The following PKHD1 variants were observed in gnomAD, a reference collection of about 807,000 sequenced individuals.
The protein encoded by PKHD1 is fibrocystin.
Under a neutral mutation model 412.0 loss-of-function variants are expected in PKHD1, and 291 were observed. That is an observed-to-expected ratio of 0.71 (90% CI 0.64 to 0.78). PKHD1 has a LOEUF of 0.78. PKHD1 is among the 30% of genes least tolerant of loss of function. PKHD1 has a pLI of 0.00. For missense variants in PKHD1, 4,825 were observed against 4,950.7 expected, an observed-to-expected ratio of 0.97 and a Z score of 0.76; for synonymous variants, 1,777 against 1,821.5, an observed-to-expected ratio of 0.98 and a Z score of 0.62.
intron 55 of PKHD1, among the ~76,000 whole-genome samples, chr6:51,768,741 A>C (rs1254959509): frequency 6.6e-6 from 1 of 151,806 alleles, no homozygotes; most frequent in Non-Finnish European, 1.5e-5. Flanking sequence ...ACAAACGATA[A>C]TATTTAATGT....
chr6:51,906,358 A>G lies in PKHD1; in HGVS notation c.6683-18T>C, dbSNP rs1388351743. 6.2e-7 allele frequency: 1 copy of G among 1,606,402 alleles called. No individual in the cohort carries two copies. ...GAAAGACTCTGAATAGGAAAGAGTAAAGTAAAAATTAGATATGGCTCCTGA... is the reference window on the plus strand; with the variant it reads ...GAAAGACTCTGAATAGGAAAGAGTAGAGTAAAAATTAGATATGGCTCCTGA... On this transcript the variant is annotated intron_variant, in intron 40 of 66. Transcript: ENST00000371117.
chr6:51,938,296 A>G, intron 36 of PKHD1, among the ~76,000 whole-genome samples: 1 of 152,220 alleles, frequency 6.6e-6, no homozygotes, highest in Non-Finnish European at 1.5e-5. Flanking sequence ...CTGCACGTAT[A>G]CATCCAGATG....
intron 55 of PKHD1, among the ~76,000 whole-genome samples, chr6:51,769,934 T>C (rs896150347): frequency 6.6e-6 from 1 of 151,780 alleles, no homozygotes; most frequent in East Asian, 1.9e-4. Context: ...TTTTTTCTTG[T>C]AAGAAATTAA....
Position 51,748,062 on chromosome 6 carries a change from A to G in PKHD1, c.9554T>C (p.Val3185Ala). The change falls in exon 58 of 67, where the codon GTA (valine) becomes GCA (alanine). Residue 3185 changes from valine (V) to alanine (A), a missense_variant. Val to Ala is a moderately conservative substitution (Grantham distance 64). Coordinates refer to ENST00000371117, the MANE Select transcript of PKHD1 (RefSeq NM_138694.4). ...NTIGLLAVVY[V>A]FSAPQNSVKK... ...GACGGAATTTTGTGGAGCAGAAAAT[A>G]CATACACTACTGCCAAAAGACCAAT... 6.2e-7 allele frequency: 1 copy of G among 1,614,098 alleles called. No homozygotes were observed. Among genetic ancestry groups the G allele is most frequent in the Non-Finnish European group, 8.5e-7 (1 of 1,179,976 alleles).
chr6:51,776,265 G>C (rs1329738715), intron 53 of PKHD1, among the ~76,000 whole-genome samples: 1 of 151,932 alleles, frequency 6.6e-6, no homozygotes, highest in African/African-American at 2.4e-5. Context: ...GATGCTTTAA[G>C]GGACTTGGCA....
chr6:51,687,547 G>A (rs1426966069), intron 60 of PKHD1, among the ~76,000 whole-genome samples: 1 of 152,138 alleles, frequency 6.6e-6, no homozygotes, highest in African/African-American at 2.4e-5. Context: ...AGCCACCATT[G>A]CACACATTTT....
intron 35 of PKHD1, among the ~76,000 whole-genome samples, chr6:51,987,732 C>CTT (rs529894512): frequency 7.0e-6 from 1 of 143,508 alleles, no homozygotes; most frequent in Non-Finnish European, 1.5e-5. Context: ...TTTCTAAGAC[C>CTT]TTTTTTTTTT....
At chr6:51,690,831 A>C (rs1281071770) in intron 60 of PKHD1, among the ~76,000 whole-genome samples, 1 of 152,250 alleles carries the variant, frequency 6.6e-6, no homozygotes, top group East Asian at 1.9e-4. Context: ...TAATTAAATA[A>C]ATAGCTTCTG....
At chr6:51,640,330 A>T (rs866397546) in intron 63 of PKHD1, among the ~76,000 whole-genome samples, 1 of 152,312 alleles carries the variant, frequency 6.6e-6, no homozygotes, top group African/African-American at 2.4e-5. Context: ...TTAGTTCTAA[A>T]TGGGTTTGCT....
chr6:51,901,115 C>G (rs986729842), intron 43 of PKHD1, among the ~76,000 whole-genome samples: 26 of 152,142 alleles, frequency 1.7e-4, no homozygotes, highest in Non-Finnish European at 2.9e-4. Flanking sequence ...TGTGGTGATT[C>G]CTCAGGGATC....
At chr6:51,840,402 T>TG (rs1167888827) in intron 50 of PKHD1, among the ~76,000 whole-genome samples, 1 of 152,130 alleles carries the variant, frequency 6.6e-6, no homozygotes, top group Non-Finnish European at 1.5e-5. Context: ...CAGTGAATTT[T>TG]GGGGGGGACA....
chr6:52,082,461 G>A lies in PKHD1; in HGVS notation c.212C>T (p.Ala71Val). 1 of 1,614,084 alleles carries A rather than the reference G, an allele frequency of 6.2e-7. No homozygotes were observed. Among genetic ancestry groups the A allele is most frequent in the Non-Finnish European group, 8.5e-7 (1 of 1,179,948 alleles). ...GACGTCACAGGGAACACTCCGCAGTGCGGGCACCACCATGTTCACGTTCAC... is the reference window on the plus strand; with the variant it reads ...GACGTCACAGGGAACACTCCGCAGTACGGGCACCACCATGTTCACGTTCAC... ...HLVNVNMVVP[A>V]LRSVPCDVFP... The change falls in exon 4 of 67, where the codon GCA (alanine) becomes GTA (valine). Residue 71 changes from alanine to valine, a missense_variant. By Grantham distance (64) the Ala-to-Val change is moderately conservative. Coordinates refer to ENST00000371117, the MANE Select transcript of PKHD1 (RefSeq NM_138694.4).
At chr6:51,783,399 T>TATTTTATATTATTTAAATAATAC (rs1554237088) in intron 53 of PKHD1, among the ~76,000 whole-genome samples, 2 of 146,350 alleles carry the variant, frequency 1.4e-5, no homozygotes, top group Non-Finnish European at 3.0e-5. Flanking sequence ...TTAAATACTA[T>TATTTTATATTATTTAAATAATAC]ATTTATTTTA....
intron 60 of PKHD1, among the ~76,000 whole-genome samples, chr6:51,699,980 T>C (rs1360852193): frequency 8.1e-6 from 1 of 123,938 alleles, no homozygotes; most frequent in Non-Finnish European, 1.8e-5. Flanking sequence ...TATTATTACC[T>C]GAGTAATTTT....
intron 35 of PKHD1, among the ~76,000 whole-genome samples, chr6:51,986,306 C>A (rs1796211696): frequency 6.6e-6 from 1 of 152,128 alleles, no homozygotes; most frequent in Admixed American, 6.5e-5. Flanking sequence ...ACACACCAAA[C>A]CTCATGTACT....
At chr6:51,815,025 C>T (rs949403762) in intron 52 of PKHD1, among the ~76,000 whole-genome samples, 11 of 152,192 alleles carry the variant, frequency 7.2e-5, no homozygotes, top group African/African-American at 2.7e-4. Flanking sequence ...TTGTCAGTTG[C>T]TAAGGTTCTC....
Position 52,066,130 on chromosome 6 carries a change from T to A in PKHD1, c.779-53A>T, listed in dbSNP as rs143183446. 1.6e-4 allele frequency: 129 copies of A among 795,830 alleles called. 1 individual carries two copies. The East Asian group carries it at 3.2e-3, about 20-fold the overall frequency. The allele number at this position is 795,830 out of a possible 1,614,324, so 49.3% of individuals were successfully genotyped here. ...AAGCTTCCAAATATAGACCAGAATATGACCTAGATAATAATATAATAATAG... is the reference window on the plus strand; with the variant it reads ...AAGCTTCCAAATATAGACCAGAATAAGACCTAGATAATAATATAATAATAG... On this transcript the variant is annotated intron_variant, in intron 11 of 66. Transcript: ENST00000371117.
chr6:52,020,804 T>A (rs1179282019), intron 33 of PKHD1, among the ~76,000 whole-genome samples: 1 of 152,178 alleles, frequency 6.6e-6, no homozygotes, highest in African/African-American at 2.4e-5. Flanking sequence ...TTAGCTAACT[T>A]GGTTGTACTC....
At chr6:51,645,464 C>T (rs1581812207) in intron 63 of PKHD1, among the ~76,000 whole-genome samples, 1 of 152,280 alleles carries the variant, frequency 6.6e-6, no homozygotes, top group East Asian at 1.9e-4. Context: ...GCCATCTTGG[C>T]TCACCGCAAC....
Sources: gnomAD v4.1 joint callset for allele counts (sites outside exome capture counted in the v4.1 genomes callset) on GRCh38, gnomAD v4.1.1 for gene constraint, MANE v1.5 for transcripts, NCBI Gene and HGNC (gene_info 2026-07-23, HGNC 2026-07-21) for gene names.